Variants in NAA16 observed in about 807,000 individuals in gnomAD.
NAA16 encodes the protein NARG1-like protein.
A neutral mutation model predicts 110.3 loss-of-function variants in NAA16; 97 were observed. The ratio of observed to expected loss-of-function variants is 0.88; its 90% confidence interval spans 0.75 to 1.04. The LOEUF (loss-of-function observed/expected upper bound fraction) is 1.04. NAA16 is among the 50% of genes least tolerant of loss of function. The pLI is 0.00. For missense variants in NAA16, 1,017 were observed against 1,005.1 expected, an observed-to-expected ratio of 1.01 and a Z score of -0.16; for synonymous variants, 372 against 330.6, an observed-to-expected ratio of 1.13 and a Z score of -1.36.
At chr13:41,360,389 A>T (rs780122696) in intron 12 of NAA16, among the ~76,000 whole-genome samples, 1 of 152,184 alleles carries the variant, frequency 6.6e-6, no homozygotes, top group African/African-American at 2.4e-5. Flanking sequence ...GTTCCAGACA[A>T]TTCTGATAAG....
intron 9 of NAA16, among the ~76,000 whole-genome samples, chr13:41,345,780 C>T (rs1336336111): frequency 6.6e-6 from 1 of 152,178 alleles, no homozygotes; most frequent in South Asian, 2.1e-4. Context: ...TCACCATTTG[C>T]CCAGGCTGGT....
chr13:41,333,819 T>C (rs1001672594), intron 8 of NAA16, among the ~76,000 whole-genome samples: 3 of 152,028 alleles, frequency 2.0e-5, no homozygotes, highest in African/African-American at 4.8e-5. Flanking sequence ...GTAGGAAATA[T>C]ATTTTTACTG....
chr13:41,334,745 G>C (rs1051193428), intron 8 of NAA16, among the ~76,000 whole-genome samples: 2 of 152,138 alleles, frequency 1.3e-5, no homozygotes, highest in Admixed American at 1.3e-4. Flanking sequence ...TTGCAAATTA[G>C]GTAAAAAGAG....
intron 9 of NAA16, among the ~76,000 whole-genome samples, chr13:41,341,895 A>G (rs1020158835): frequency 1.4e-4 from 20 of 144,494 alleles, no homozygotes; most frequent in Non-Finnish European, 2.7e-4. Context: ...GCAGTGGCGC[A>G]ATCTCTGCTC....
intron 5 of NAA16, among the ~76,000 whole-genome samples, chr13:41,323,604 G>T (rs1005874947): frequency 6.6e-6 from 1 of 150,850 alleles, no homozygotes; most frequent in African/African-American, 2.4e-5. Context: ...CGCCCACCTC[G>T]GCCTCCCAAA....
At position 41,376,549 on chromosome 13, in the gene NAA16, T is replaced by G. The variant is rs1414915955; in HGVS notation, c.*947T>G. On this transcript the variant is annotated 3_prime_UTR_variant, in exon 20 of 20. Transcript: ENST00000379406. ...GTCTTAAAAGCCCACAGGCAAGAAT[T>G]AATGCTTTCTTAACTAAGTTACTTT... 1.3e-5 allele frequency: 2 copies of G among 152,200 alleles called. No individual in the cohort carries two copies. Among genetic ancestry groups the G allele is most frequent in the African/African-American group, 2.4e-5 (1 of 41,452 alleles). 9.4% of individuals were successfully genotyped at this position (152,200 alleles called of 1,614,324 possible). A position where few individuals can be genotyped will look rare whatever the true frequency, so the allele number is the denominator to read the frequency against.
intron 3 of NAA16, among the ~76,000 whole-genome samples, chr13:41,319,557 C>T (rs961044100): frequency 6.6e-6 from 1 of 151,960 alleles, no homozygotes; most frequent in East Asian, 1.9e-4. Flanking sequence ...CACTCTGTCA[C>T]CCAGGCTAGA....
chr13:41,372,350 A>T, intron 16 of NAA16, 39 bp downstream of exon 16: 1 of 1,548,382 alleles, frequency 6.5e-7, no homozygotes, highest in Non-Finnish European at 8.7e-7. Flanking sequence ...ATCTTTAATT[A>T]TATTTGTGAC....
At chr13:41,317,327 G>GTGTTT (rs1005268291) in intron 2 of NAA16, among the ~76,000 whole-genome samples, 5 of 151,546 alleles carry the variant, frequency 3.3e-5, no homozygotes. Flanking sequence ...TTTGGTAGAT[G>GTGTTT]TGTTTTGTTT....
intron 9 of NAA16, among the ~76,000 whole-genome samples, chr13:41,341,011 G>A (rs1233883344): frequency 6.6e-6 from 1 of 152,144 alleles, no homozygotes; most frequent in Non-Finnish European, 1.5e-5. Context: ...TTGCACTGTG[G>A]TCTGAGAGAC....
chr13:41,343,714 G>A (rs2139450680), intron 9 of NAA16, among the ~76,000 whole-genome samples: 1 of 152,170 alleles, frequency 6.6e-6, no homozygotes, highest in East Asian at 1.9e-4. Context: ...TTATTTTTTT[G>A]TATTTTAGTA....
At chr13:41,367,720 AT>A in intron 14 of NAA16, 68 bp downstream of exon 14, 3 of 991,396 alleles carry the variant, frequency 3.0e-6, no homozygotes, top group Middle Eastern at 3.1e-4. Flanking sequence ...AGCGTAAACA[AT>A]ACCTAGAAAA....
At chr13:41,325,889 A>G in intron 6 of NAA16, 38 bp downstream of exon 6, 1 of 1,500,646 alleles carries the variant, frequency 6.7e-7, no homozygotes, top group Non-Finnish European at 9.0e-7. Context: ...CCTCAAACAG[A>G]AAACAAAAAA....
At chr13:41,329,527 A>G (rs1165963442) in intron 7 of NAA16, among the ~76,000 whole-genome samples, 1 of 148,452 alleles carries the variant, frequency 6.7e-6, no homozygotes, top group Non-Finnish European at 1.5e-5. Flanking sequence ...TTTTTTTTAG[A>G]ATTTTTAAAT....
At position 41,315,690 on chromosome 13, in the gene NAA16, C is replaced by CCATG. The variant is rs1266373908; in HGVS notation, c.55-1153_55-1150dup. ...TGTGTGTGTGTATGCGTGCACACAC[C>CCATG]CATGCACTTTGGTTTCATTCTTGCG... On this transcript the variant is annotated intron_variant, in intron 1 of 19. Coordinates refer to ENST00000379406, the MANE Select transcript of NAA16 (RefSeq NM_024561.5). Among the ~76,000 whole-genome samples, 3 of 152,036 alleles carry CCATG rather than the reference C, an allele frequency of 2.0e-5. No homozygotes were observed. The South Asian group carries it at 6.2e-4, about 32-fold the overall frequency.
chr13:41,352,364 A>G (rs1446985651), intron 9 of NAA16, among the ~76,000 whole-genome samples: 5 of 151,804 alleles, frequency 3.3e-5, no homozygotes, highest in East Asian at 3.9e-4. Context: ...TAAAGTAACT[A>G]TAAATTTTGG....
chr13:41,343,950 G>C (rs1196537301), intron 9 of NAA16, among the ~76,000 whole-genome samples: 1 of 152,210 alleles, frequency 6.6e-6, no homozygotes, highest in Admixed American at 6.5e-5. Context: ...GAGATTGTAG[G>C]TGTGAACCTA....
intron 1 of NAA16, among the ~76,000 whole-genome samples, chr13:41,312,471 G>A (rs971281976): frequency 6.6e-6 from 1 of 152,012 alleles, no homozygotes; most frequent in Non-Finnish European, 1.5e-5. Flanking sequence ...GCATTCCTTT[G>A]CTTTCCTCAG....
chr13:41,360,778 C>T (rs1195445233), intron 12 of NAA16, among the ~76,000 whole-genome samples: 7 of 152,152 alleles, frequency 4.6e-5, no homozygotes, highest in Admixed American at 2.0e-4. Context: ...ATTTCCTTCT[C>T]GCAGATTTTT....
Sources: gnomAD v4.1 joint callset for allele counts (sites outside exome capture counted in the v4.1 genomes callset) on GRCh38, gnomAD v4.1.1 for gene constraint, MANE v1.5 for transcripts, NCBI Gene and HGNC (gene_info 2026-07-23, HGNC 2026-07-21) for gene names.